C17orf75: variants seen among roughly 807,000 people sequenced by gnomAD.
C17orf75 encodes the protein chromosome 17 open reading frame 75.
C17orf75 carries 32 observed loss-of-function variants against 49.6 expected under a neutral mutation model. The observed-to-expected ratio is 0.65, with a 90% CI of 0.49 to 0.87. The LOEUF is 0.87. Ranked by LOEUF, C17orf75 falls within the 40% of genes least tolerant of loss-of-function variation. The pLI is 0.00. For synonymous variants in C17orf75, 158 were observed against 159.5 expected (o/e 0.99, Z 0.07); for missense variants, 428 against 473.9 (o/e 0.90, Z 0.90).
chr17:32,334,027 A>AT (rs1271477304), intron 8 of C17orf75, among the ~76,000 whole-genome samples: 4 of 151,998 alleles, frequency 2.6e-5, no homozygotes, highest in South Asian at 2.1e-4. Flanking sequence ...ACTTTTATGT[A>AT]TTTTTTCTTT....
At chr17:32,348,865 G>GGCTTTTTTTTTT (rs1567807377) in intron 1 of C17orf75, among the ~76,000 whole-genome samples, 6 of 49,508 alleles carry the variant, frequency 1.2e-4, no homozygotes, top group African/African-American at 6.0e-4. Flanking sequence ...GACAGCTCCA[G>GGCTTTTTTTTTT]TCTTTTTTTT....
Position 32,331,487 on chromosome 17 carries a change from C to G in C17orf75, c.*276G>C. The G allele has an allele frequency of 3.2e-6, 1 of 312,482 alleles. No individual in the cohort carries two copies. Among genetic ancestry groups the G allele is most frequent in the Non-Finnish European group, 5.8e-6 (1 of 171,460 alleles). 19.4% of individuals were successfully genotyped at this position (312,482 alleles called of 1,614,324 possible). On this transcript the variant is annotated 3_prime_UTR_variant, in exon 10 of 10. Transcript: ENST00000577809. ...AGAAAAGCCACAAACAAAATCATCTCTGAAATTTTTTAAGCAACAACTTCC... is the reference window on the plus strand; with the variant it reads ...AGAAAAGCCACAAACAAAATCATCTGTGAAATTTTTTAAGCAACAACTTCC...
chr17:32,348,065 TG>T (rs938159545), intron 1 of C17orf75, among the ~76,000 whole-genome samples: 2 of 151,756 alleles, frequency 1.3e-5, no homozygotes, highest in African/African-American at 4.8e-5. Flanking sequence ...TCGCCCGGAC[TG>T]GAGTGCAGCA....
At chr17:32,335,463 A>G (rs752543941) in intron 5 of C17orf75, 21 bp from the exon 6 acceptor site, 54 of 1,611,144 alleles carry the variant, frequency 3.4e-5, no homozygotes, top group Non-Finnish European at 3.9e-5. Context: ...AAAGAACATC[A>G]TTTGCTTTAA....
At chr17:32,348,813 C>T (rs2041449987) in intron 1 of C17orf75, among the ~76,000 whole-genome samples, 1 of 150,976 alleles carries the variant, frequency 6.6e-6, no homozygotes, top group South Asian at 2.1e-4. Context: ...CCCGCCTTTG[C>T]TAGCCTCCCT....
In C17orf75 at chr17:32,333,184, G is replaced by T. The variant is rs570673042; in HGVS notation, c.975+233C>A. Among the ~76,000 whole-genome samples, 5 of 152,266 alleles carry T rather than the reference G, an allele frequency of 3.3e-5. 1 individual carries two copies. The highest frequency in any genetic ancestry group is 4.1e-4 in the South Asian group (2 of 4,826). On this transcript the variant is annotated intron_variant, in intron 9 of 9. Coordinates refer to ENST00000577809, the MANE Select transcript of C17orf75 (RefSeq NM_022344.4). ...TTCCAACTAAGTTAAGTCACAAATTGTAAGACTGATGTTCCTTAAATATAA... is the reference window on the plus strand; with the variant it reads ...TTCCAACTAAGTTAAGTCACAAATTTTAAGACTGATGTTCCTTAAATATAA...
Sources: allele counts gnomAD v4.1 joint callset (sites outside exome capture counted in the v4.1 genomes callset), GRCh38; gene constraint gnomAD v4.1.1; transcripts MANE v1.5; gene names NCBI Gene and HGNC (gene_info 2026-07-23, HGNC 2026-07-21).